KCNMB2: variants seen among roughly 807,000 people sequenced by gnomAD.
KCNMB2 encodes the protein potassium calcium-activated channel subfamily M regulatory beta subunit 2.
Under a neutral mutation model 24.5 loss-of-function variants are expected in KCNMB2, and 9 were observed. The ratio of observed to expected loss-of-function variants is 0.37; its 90% CI spans 0.22 to 0.64. The LOEUF (loss-of-function observed/expected upper bound fraction) is 0.64. Ranked by LOEUF, KCNMB2 falls within the 30% of genes least tolerant of loss-of-function variation. The pLI, the probability that KCNMB2 is intolerant of heterozygous loss-of-function variation, is 0.63. For synonymous variants in KCNMB2, 109 were observed against 104.4 expected, an observed-to-expected ratio of 1.04 and a Z score of -0.27; for missense variants, 226 against 284.3, an observed-to-expected ratio of 0.79 and a Z score of 1.47.
At chr3:178,835,900 T>C (rs939942052) in intron 4 of KCNMB2, among the ~76,000 whole-genome samples, 2 of 152,180 alleles carry the variant, frequency 1.3e-5, no homozygotes, top group Non-Finnish European at 2.9e-5. Flanking sequence ...ATACATTCTA[T>C]ATTGTTTATG....
intron 1 of KCNMB2, among the ~76,000 whole-genome samples, chr3:178,694,077 C>A (rs1464909829): frequency 6.6e-6 from 1 of 152,084 alleles, no homozygotes; most frequent in African/African-American, 2.4e-5. Flanking sequence ...GTTTGACTCC[C>A]AGTTCAGCAT....
chr3:178,547,932 T>C (rs553151741), intron 1 of KCNMB2, among the ~76,000 whole-genome samples: 9 of 152,388 alleles, frequency 5.9e-5, no homozygotes, highest in African/African-American at 2.2e-4. Context: ...TTCTGTTCAT[T>C]GTACCACAAA....
chr3:178,635,709 A>G (rs1001129548), intron 1 of KCNMB2, among the ~76,000 whole-genome samples: 1 of 152,188 alleles, frequency 6.6e-6, no homozygotes, highest in African/African-American at 2.4e-5. Context: ...TCAGGTATAC[A>G]TTCTGTGTTT....
At chr3:178,755,352 G>T (rs1355637943) in intron 1 of KCNMB2, among the ~76,000 whole-genome samples, 4 of 152,166 alleles carry the variant, frequency 2.6e-5, no homozygotes, top group Non-Finnish European at 4.4e-5. Flanking sequence ...ACCACACTGG[G>T]GGTGGGAAGC....
At chr3:178,754,197 T>TAC (rs1723951223) in intron 1 of KCNMB2, among the ~76,000 whole-genome samples, 1 of 141,228 alleles carries the variant, frequency 7.1e-6, no homozygotes, top group Non-Finnish European at 1.5e-5. Flanking sequence ...CACACATACA[T>TAC]ATATATATAT....
chr3:178,693,323 G>A (rs1721752860), intron 1 of KCNMB2, among the ~76,000 whole-genome samples: 1 of 152,110 alleles, frequency 6.6e-6, no homozygotes, highest in Admixed American at 6.6e-5. Context: ...TCTTTGTTTT[G>A]TGCCAGTTGT....
chr3:178,754,087 C>T (rs1381051077), intron 1 of KCNMB2, among the ~76,000 whole-genome samples: 2 of 145,378 alleles, frequency 1.4e-5, no homozygotes, highest in East Asian at 4.0e-4. Context: ...ATGTCCTCCA[C>T]ATTTATTCAT....
intron 1 of KCNMB2, among the ~76,000 whole-genome samples, chr3:178,635,478 G>C (rs184806219): frequency 6.6e-6 from 1 of 151,154 alleles, no homozygotes; most frequent in African/African-American, 2.4e-5. Flanking sequence ...CTTTGACACC[G>C]GGCAGAGGGA....
At chr3:178,570,639 A>G (rs1256450693) in intron 1 of KCNMB2, among the ~76,000 whole-genome samples, 2 of 150,098 alleles carry the variant, frequency 1.3e-5, no homozygotes, top group African/African-American at 2.4e-5. Flanking sequence ...GCTATTGTGG[A>G]GAGAAAAAAC....
chr3:178,842,789 T>A lies in KCNMB2; in HGVS notation c.560T>A (p.Leu187Gln). Residue 187 changes from leucine to glutamine, a missense_variant, in exon 5 of 5, where the codon CTA becomes CAA. By Grantham distance (113) the Leu-to-Gln change is moderately radical (BLOSUM62 -2). Coordinates refer to ENST00000452583, the MANE Select transcript of KCNMB2 (RefSeq NM_181361.3). ...GAAGGAAACCAGAAGAGTGTTATCC[T>A]AACAAAACTCTACAGTTCCAACGTG... ...DPEGNQKSVI[L>Q]TKLYSSNVLF... 3 of 1,614,024 alleles carry A rather than the reference T, an allele frequency of 1.9e-6. No homozygotes were observed. The East Asian group carries it at 6.7e-5, about 36-fold the overall frequency.
intron 1 of KCNMB2, among the ~76,000 whole-genome samples, chr3:178,730,308 C>T (rs1291297122): frequency 3.3e-5 from 5 of 152,164 alleles, no homozygotes; most frequent in East Asian, 1.9e-4. Flanking sequence ...TAGATATTTA[C>T]GGTACTTGCA....
At chr3:178,696,410 GTTGT>G (rs1721878131) in intron 1 of KCNMB2, among the ~76,000 whole-genome samples, 1 of 152,114 alleles carries the variant, frequency 6.6e-6, no homozygotes, top group Non-Finnish European at 1.5e-5. Flanking sequence ...TTCTCTGATG[GTTGT>G]TTGTATTTCT....
At chr3:178,669,340 T>C (rs1277585667) in intron 1 of KCNMB2, among the ~76,000 whole-genome samples, 1 of 152,002 alleles carries the variant, frequency 6.6e-6, no homozygotes, top group Admixed American at 6.6e-5. Flanking sequence ...GCAGATTTCA[T>C]CAGTGAAAAT....
At chr3:178,784,755 T>G (rs1291011620) in intron 1 of KCNMB2, among the ~76,000 whole-genome samples, 1 of 151,614 alleles carries the variant, frequency 6.6e-6, no homozygotes, top group Non-Finnish European at 1.5e-5. Context: ...CTTCAATGAG[T>G]GAGAGTAGGA....
rs948531984 is a variant in KCNMB2, at chr3:178,585,874, C to T, written c.-68+49163C>T. On this transcript the variant is annotated intron_variant, in intron 1 of 4. Coordinates refer to ENST00000452583, the MANE Select transcript of KCNMB2 (RefSeq NM_181361.3). Reference sequence around the variant, plus strand: ...GTGATCATTTATATGATAATGTGAGCTGATAATTTAGGAGTGATTCATTCT... The same window carrying T: ...GTGATCATTTATATGATAATGTGAGTTGATAATTTAGGAGTGATTCATTCT... Among the ~76,000 whole-genome samples, 5 of 152,120 alleles carry T rather than the reference C, an allele frequency of 3.3e-5. 1 individual carries two copies. Among genetic ancestry groups the T allele is most frequent in the African/African-American group, 1.2e-4 (5 of 41,418 alleles).
intron 1 of KCNMB2, among the ~76,000 whole-genome samples, chr3:178,718,764 G>GCATA (rs1722701909): frequency 1.3e-5 from 2 of 152,112 alleles, no homozygotes; most frequent in African/African-American, 4.8e-5. Context: ...AAGCACTTTA[G>GCATA]CATACTTTAG....
At chr3:178,630,719 C>CT (rs1307926523) in intron 1 of KCNMB2, among the ~76,000 whole-genome samples, 1 of 152,176 alleles carries the variant, frequency 6.6e-6, no homozygotes, top group Non-Finnish European at 1.5e-5. Flanking sequence ...TTCCCCATCT[C>CT]TTTTTTCCAA....
At chr3:178,591,019 G>A (rs1717651276) in intron 1 of KCNMB2, among the ~76,000 whole-genome samples, 1 of 152,112 alleles carries the variant, frequency 6.6e-6, no homozygotes, top group South Asian at 2.1e-4. Flanking sequence ...GCCCAGATTA[G>A]TGACTGAAAG....
intron 1 of KCNMB2, among the ~76,000 whole-genome samples, chr3:178,575,240 G>C (rs1233753399): frequency 6.6e-6 from 1 of 152,136 alleles, no homozygotes; most frequent in East Asian, 1.9e-4. Context: ...ATACTGGTTT[G>C]GGCTGGGTAG....
Sources: gnomAD v4.1 joint callset for allele counts (sites outside exome capture counted in the v4.1 genomes callset) on GRCh38, gnomAD v4.1.1 for gene constraint, MANE v1.5 for transcripts, NCBI Gene and HGNC (gene_info 2026-07-23, HGNC 2026-07-21) for gene names.